CHST8: variants seen among roughly 807,000 people sequenced by gnomAD.
CHST8 encodes the protein carbohydrate sulfotransferase 8.
Under a neutral mutation model 15.0 loss-of-function variants are expected in CHST8, and 10 were observed. The observed-to-expected ratio is 0.67, with a 90% CI of 0.41 to 1.13. The LOEUF (loss-of-function observed/expected upper bound fraction) is 1.13. Among genes scored for constraint, CHST8 ranks in the 50% most tolerant of loss-of-function variants. The pLI, the probability that CHST8 is intolerant of heterozygous loss-of-function variation, is 0.00. For missense variants in CHST8, 634 were observed against 608.2 expected, an observed-to-expected ratio of 1.04 and a Z score of -0.45; for synonymous variants, 259 against 256.6, an observed-to-expected ratio of 1.01 and a Z score of -0.09.
Position 33,757,474 on chromosome 19 carries a change from GAAA to G in CHST8, c.131-13938_131-13936del, listed in dbSNP as rs1974594029. On this transcript the variant is annotated intron_variant, in intron 3 of 4. Transcript: ENST00000650847. The stretch of plus-strand genomic sequence containing the variant: ...AGAAAGAAAGAAAGAAAGAAAGAAA[GAAA>G]GAAAGAAAGAAAGAAAGAAAGAAAG... Among the ~76,000 whole-genome samples the G allele has an allele frequency of 1.4e-4, 6 of 41,788 alleles. 1 individual carries two copies. Among genetic ancestry groups the G allele is most frequent in the Non-Finnish European group, 2.4e-4 (5 of 20,526 alleles). 27.4% of individuals were successfully genotyped at this position (41,788 alleles called of 152,430 possible). A position where few individuals can be genotyped will look rare whatever the true frequency, so the allele number is the denominator to read the frequency against.
chr19:33,675,408 A>C (rs775320070), intron 2 of CHST8, among the ~76,000 whole-genome samples: 9 of 152,206 alleles, frequency 5.9e-5, no homozygotes, highest in Non-Finnish European at 1.2e-4. Flanking sequence ...AACCTGCCCC[A>C]AGGACAGGAG....
chr19:33,657,425 C>A (rs575297112), intron 1 of CHST8, among the ~76,000 whole-genome samples: 2 of 150,364 alleles, frequency 1.3e-5, no homozygotes, highest in Non-Finnish European at 3.0e-5. Context: ...CACACCACCA[C>A]GCCTGCCTAA....
chr19:33,711,512 A>C (rs565138881), intron 3 of CHST8, among the ~76,000 whole-genome samples: 47 of 152,346 alleles, frequency 3.1e-4, no homozygotes, highest in Middle Eastern at 3.4e-3. Flanking sequence ...TCATATGGTC[A>C]TTGTGTAGTA....
intron 3 of CHST8, among the ~76,000 whole-genome samples, chr19:33,692,802 T>C (rs1973123127): frequency 6.6e-6 from 1 of 152,096 alleles, no homozygotes; most frequent in African/African-American, 2.4e-5. Context: ...TCTTTGTGAA[T>C]GTTTTATCAT....
At chr19:33,710,165 A>C (rs1225824178) in intron 3 of CHST8, among the ~76,000 whole-genome samples, 1 of 152,194 alleles carries the variant, frequency 6.6e-6, no homozygotes, top group Admixed American at 6.5e-5. Flanking sequence ...GTATTCTCTT[A>C]TAATCACTAG....
At chr19:33,734,317 T>C (rs1300434692) in intron 3 of CHST8, among the ~76,000 whole-genome samples, 1 of 152,208 alleles carries the variant, frequency 6.6e-6, no homozygotes, top group Non-Finnish European at 1.5e-5. Flanking sequence ...TTGTTTAGCA[T>C]ATCATCAAGA....
At chr19:33,648,982 C>T (rs1972396324) in intron 1 of CHST8, among the ~76,000 whole-genome samples, 1 of 145,464 alleles carries the variant, frequency 6.9e-6, no homozygotes, top group South Asian at 2.2e-4. Context: ...CGGCTCACTG[C>T]AAGCTCCACC....
At chr19:33,745,547 G>A (rs1364677902) in intron 3 of CHST8, among the ~76,000 whole-genome samples, 1 of 152,192 alleles carries the variant, frequency 6.6e-6, no homozygotes. Flanking sequence ...CTGACTGTCG[G>A]GTTCCTGGGA....
chr19:33,766,629 C>A (rs946136372), intron 3 of CHST8, among the ~76,000 whole-genome samples: 2 of 152,228 alleles, frequency 1.3e-5, no homozygotes, highest in Non-Finnish European at 2.9e-5. Flanking sequence ...CACCAGATGC[C>A]ACTGTAAGGA....
intron 3 of CHST8, among the ~76,000 whole-genome samples, chr19:33,771,049 A>G (rs1178817846): frequency 1.3e-5 from 2 of 152,088 alleles, no homozygotes; most frequent in East Asian, 3.9e-4. Flanking sequence ...TGACTTAATG[A>G]CATGGTGGGG....
At chr19:33,767,083 CAT>C (rs879617045) in intron 3 of CHST8, among the ~76,000 whole-genome samples, 3,345 of 152,300 alleles carry the variant, frequency 0.022, 49 homozygotes, top group Middle Eastern at 0.065. Context: ...ACACTAGCAT[CAT>C]CGCCCATCAG....
At chr19:33,640,207 G>C (rs531532149) in intron 1 of CHST8, among the ~76,000 whole-genome samples, 1 of 152,176 alleles carries the variant, frequency 6.6e-6, no homozygotes, top group African/African-American at 2.4e-5. Flanking sequence ...AGGAGCAATG[G>C]GGGTGACCAC....
chr19:33,688,446 T>C (rs777515648), intron 2 of CHST8, among the ~76,000 whole-genome samples: 1 of 151,924 alleles, frequency 6.6e-6, no homozygotes, highest in African/African-American at 2.4e-5. Flanking sequence ...GAGCTTGGAG[T>C]CTGTTGGACA....
chr19:33,767,023 C>T (rs770143138), intron 3 of CHST8, among the ~76,000 whole-genome samples: 11 of 152,244 alleles, frequency 7.2e-5, no homozygotes, highest in Non-Finnish European at 1.2e-4. Context: ...ATGCCTGTCC[C>T]TCTGCAGATT....
intron 1 of CHST8, among the ~76,000 whole-genome samples, chr19:33,634,392 G>A (rs73029362): frequency 0.16 from 24,216 of 152,052 alleles, 2,150 homozygotes; most frequent in Non-Finnish European, 0.21. Context: ...ATTTCCTTTC[G>A]TCCCCAAATT....
chr19:33,728,493 G>A (rs1257016373), intron 3 of CHST8, among the ~76,000 whole-genome samples: 1 of 152,228 alleles, frequency 6.6e-6, no homozygotes, highest in Non-Finnish European at 1.5e-5. Context: ...TGCCAGCAAT[G>A]CCAGGCAAAG....
At chr19:33,765,042 T>C (rs1327181524) in intron 3 of CHST8, among the ~76,000 whole-genome samples, 1 of 99,562 alleles carries the variant, frequency 1.0e-5, no homozygotes, top group Non-Finnish European at 2.1e-5. Context: ...TATGGCTAAG[T>C]ACTATTCCAT....
At chr19:33,695,821 C>CTTTTTTTTTTTTT (rs55695414) in intron 3 of CHST8, among the ~76,000 whole-genome samples, 8 of 76,224 alleles carry the variant, frequency 1.0e-4, no homozygotes, top group South Asian at 4.7e-4. Context: ...TTCTTTCTTT[C>CTTTTTTTTTTTTT]TTTTTTTTTT....
intron 3 of CHST8, among the ~76,000 whole-genome samples, chr19:33,757,522 GAGAAAGAAAGAAAGAA>G (rs1218360558): frequency 0.011 from 231 of 21,106 alleles, 13 homozygotes; most frequent in Middle Eastern, 0.025. Context: ...AAGAAAGAAA[GAGAAAGAAAGAAAGAA>G]AGAAAGAAAG....
Sources: gnomAD v4.1 joint callset for allele counts (sites outside exome capture counted in the v4.1 genomes callset) on GRCh38, gnomAD v4.1.1 for gene constraint, MANE v1.5 for transcripts, NCBI Gene and HGNC (gene_info 2026-07-23, HGNC 2026-07-21) for gene names.